KIAA1549L: variants seen among roughly 807,000 people sequenced by gnomAD.
The protein encoded by KIAA1549L is UPF0606 protein KIAA1549L.
Under a neutral mutation model 160.7 loss-of-function variants are expected in KIAA1549L, and 88 were observed. The observed-to-expected ratio is 0.55, with a 90% confidence interval of 0.46 to 0.65. The LOEUF (loss-of-function observed/expected upper bound fraction) is 0.65, where lower values mean the gene tolerates loss of function less well. Among genes scored for constraint, KIAA1549L ranks in the 30% least tolerant of loss-of-function variants. KIAA1549L has a pLI of 0.00. For synonymous variants in KIAA1549L, 950 were observed against 976.7 expected (o/e 0.97, Z 0.51); for missense variants, 2,258 against 2,437.5 (o/e 0.93, Z 1.55).
intron 1 of KIAA1549L, among the ~76,000 whole-genome samples, chr11:33,405,053 CAGAT>C (rs1343464917): frequency 2.0e-5 from 3 of 149,630 alleles, no homozygotes; most frequent in African/African-American, 7.3e-5. Flanking sequence ...GAAAAAAAGT[CAGAT>C]AAAATAACCC....
intron 8 of KIAA1549L, among the ~76,000 whole-genome samples, chr11:33,563,608 G>A (rs1274887265): frequency 3.3e-5 from 5 of 152,080 alleles, no homozygotes; most frequent in Non-Finnish European, 7.4e-5. Flanking sequence ...GCAGAACATT[G>A]CATTTCTTTC....
At chr11:33,618,377 T>C (rs1850875149) in intron 15 of KIAA1549L, among the ~76,000 whole-genome samples, 156 bp from the exon 16 acceptor site, 1 of 152,364 alleles carries the variant, frequency 6.6e-6, no homozygotes, top group African/African-American at 2.4e-5. Flanking sequence ...TTTCACTCTT[T>C]CTACAGCCCC....
intron 1 of KIAA1549L, among the ~76,000 whole-genome samples, chr11:33,538,308 C>A (rs1460624803): frequency 2.6e-5 from 4 of 152,174 alleles, no homozygotes; most frequent in Non-Finnish European, 5.9e-5. Flanking sequence ...TGGGTGGAGA[C>A]ACAAAGCCTA....
At chr11:33,547,595 T>C (rs1400422268) in intron 3 of KIAA1549L, among the ~76,000 whole-genome samples, 169 bp from the exon 4 acceptor site, 2 of 152,176 alleles carry the variant, frequency 1.3e-5, no homozygotes, top group African/African-American at 4.8e-5. Context: ...CTTAGGACTT[T>C]AGCGGGACCC....
In KIAA1549L at chr11:33,469,182, TAGTC is replaced by T. The variant is rs370978480; in HGVS notation, c.239-72615_239-72612del. On this transcript the variant is annotated intron_variant, in intron 1 of 20. Coordinates refer to ENST00000658780, the MANE Select transcript of KIAA1549L (RefSeq NM_012194.3). ...CCCCCAAACAAACCCCGTTATCTAT[TAGTC>T]AGTCCCATTGCTCCTTCCTCCCAGT... Among the ~76,000 whole-genome samples the T allele has an allele frequency of 3.1e-3, 467 of 152,330 alleles. 4 individuals carry two copies. The highest frequency in any genetic ancestry group is 9.8e-3 in the African/African-American group (408 of 41,564).
intron 16 of KIAA1549L, among the ~76,000 whole-genome samples, chr11:33,623,515 A>C (rs1201957439): frequency 6.6e-6 from 1 of 152,188 alleles, no homozygotes; most frequent in Non-Finnish European, 1.5e-5. Flanking sequence ...TTTAACAGGG[A>C]CTTCTAATCC....
intron 14 of KIAA1549L, among the ~76,000 whole-genome samples, chr11:33,607,868 C>A (rs1850548482): frequency 6.6e-6 from 1 of 152,150 alleles, no homozygotes; most frequent in Non-Finnish European, 1.5e-5. Context: ...ATGGGTAAAC[C>A]TTCATTGATT....
intron 9 of KIAA1549L, among the ~76,000 whole-genome samples, chr11:33,573,566 A>G (rs979303217): frequency 2.6e-5 from 4 of 152,154 alleles, no homozygotes; most frequent in African/African-American, 7.2e-5. Flanking sequence ...TATCCAACCA[A>G]TTATTAACAA....
chr11:33,507,194 G>A (rs1170550211), intron 1 of KIAA1549L, among the ~76,000 whole-genome samples: 3 of 152,206 alleles, frequency 2.0e-5, no homozygotes, highest in Non-Finnish European at 4.4e-5. Flanking sequence ...ATTGCTTGCT[G>A]AGGTCAGAGT....
At chr11:33,479,694 G>A (rs979922595) in intron 1 of KIAA1549L, among the ~76,000 whole-genome samples, 8 of 152,210 alleles carry the variant, frequency 5.3e-5, no homozygotes, top group African/African-American at 1.9e-4. Flanking sequence ...GTTGTTAAGA[G>A]CGTCACCCTA....
At chr11:33,383,129 TGAC>T (rs1427221221) in intron 1 of KIAA1549L, among the ~76,000 whole-genome samples, 15 of 152,154 alleles carry the variant, frequency 9.9e-5, no homozygotes, top group African/African-American at 3.6e-4. Context: ...GAAATTCTGA[TGAC>T]GACCAGAGAA....
At chr11:33,447,644 C>A (rs1370363355) in intron 1 of KIAA1549L, among the ~76,000 whole-genome samples, 8 of 151,560 alleles carry the variant, frequency 5.3e-5, no homozygotes, top group African/African-American at 1.9e-4. Context: ...CACACACACA[C>A]ACAAAATTTT....
At chr11:33,610,061 G>A (rs1327422965) in intron 15 of KIAA1549L, 95 bp downstream of exon 15, 6 of 888,692 alleles carry the variant, frequency 6.8e-6, no homozygotes, top group African/African-American at 3.3e-5. Flanking sequence ...ATCTGGTACT[G>A]TAGGATTGTG....
At position 33,535,747 on chromosome 11, in the gene KIAA1549L, C is replaced by T. The variant is rs562942845; in HGVS notation, c.239-6055C>T. 7.2e-5 allele frequency among the ~76,000 whole-genome samples: 11 copies of T among 152,216 alleles called. No individual in the cohort carries two copies. The South Asian group carries it at 2.3e-3, about 32-fold the overall frequency. On this transcript the variant is annotated intron_variant, in intron 1 of 20. Coordinates refer to ENST00000658780, the MANE Select transcript of KIAA1549L (RefSeq NM_012194.3). ...GAGAGTGGATCACAAAAGGCATGACCACCAGGAGATGGAGATCATGGGGTC... is the reference window on the plus strand; with the variant it reads ...GAGAGTGGATCACAAAAGGCATGACTACCAGGAGATGGAGATCATGGGGTC...
At chr11:33,500,884 C>G (rs1200913598) in intron 1 of KIAA1549L, among the ~76,000 whole-genome samples, 1 of 151,824 alleles carries the variant, frequency 6.6e-6, no homozygotes, top group Non-Finnish European at 1.5e-5. Context: ...CAAATATTAC[C>G]ATGTTAAAAT....
Position 33,482,129 on chromosome 11 carries a change from T to G in KIAA1549L, c.239-59673T>G, listed in dbSNP as rs545195067. Among the ~76,000 whole-genome samples, 8 of 152,340 alleles carry G rather than the reference T, an allele frequency of 5.3e-5. No homozygotes were observed. In the South Asian group the frequency reaches 6.2e-4, roughly 12 times the overall value. On this transcript the variant is annotated intron_variant, in intron 1 of 20. Transcript: ENST00000658780. ...TTCAAATAGCATTTTTTTCCTGGAT[T>G]TTTTTTCTTTGTGCTGTCTGGCACT...
rs537112226 is a variant in KIAA1549L at position 33,404,135 on chromosome 11, G to A, written c.238+27246G>A. 2.0e-5 allele frequency among the ~76,000 whole-genome samples: 3 copies of A among 152,318 alleles called. No individual in the cohort carries two copies. In the East Asian group the frequency reaches 5.8e-4, roughly 29 times the overall value. ...TAATATTTGCAGAATCTCAGGGAGG[G>A]TGGAATGGATCCTTTAAATCTCCTG... On this transcript the variant is annotated intron_variant, in intron 1 of 20. Transcript: ENST00000658780.
At chr11:33,627,056 C>T (rs1258780927) in intron 16 of KIAA1549L, among the ~76,000 whole-genome samples, 1 of 72,760 alleles carries the variant, frequency 1.4e-5, no homozygotes. Flanking sequence ...TGCTGGATTA[C>T]ATTTATTGAT....
intron 4 of KIAA1549L, 81 bp from the exon 5 acceptor site, chr11:33,550,959 C>A: frequency 1.8e-6 from 2 of 1,100,218 alleles, no homozygotes; most frequent in Middle Eastern, 2.1e-4. Flanking sequence ...TTCTAACAGC[C>A]GTGGTTCTAA....
Sources: gnomAD v4.1 joint callset for allele counts (sites outside exome capture counted in the v4.1 genomes callset) on GRCh38, gnomAD v4.1.1 for gene constraint, MANE v1.5 for transcripts, NCBI Gene and HGNC (gene_info 2026-07-23, HGNC 2026-07-21) for gene names.